The following CNTLN variants were observed in gnomAD, a reference collection of about 807,000 sequenced individuals.
The protein encoded by CNTLN is centlein, also known as centlein, centrosomal protein.
A neutral mutation model predicts 180.0 loss-of-function variants in CNTLN; 212 were observed. That is an observed-to-expected ratio of 1.18 (90% CI 1.05 to 1.32). The LOEUF is 1.32. CNTLN is among the 40% of genes most tolerant of loss of function. The pLI, the probability that CNTLN is intolerant of heterozygous loss-of-function variation, is 0.00. For missense variants in CNTLN, 2,095 were observed against 1,610.9 expected (o/e 1.30, Z -5.14); for synonymous variants, 722 against 563.1 (o/e 1.28, Z -3.99).
chr9:17,367,296 G>A (rs1823910673), intron 13 of CNTLN, among the ~76,000 whole-genome samples: 1 of 152,218 alleles, frequency 6.6e-6, no homozygotes, highest in African/African-American at 2.4e-5. Flanking sequence ...CACAGAAAGA[G>A]CATTTAGACC....
intron 10 of CNTLN, among the ~76,000 whole-genome samples, chr9:17,337,954 A>G (rs1821163622): frequency 6.6e-6 from 1 of 152,178 alleles, no homozygotes; most frequent in Admixed American, 6.5e-5. Flanking sequence ...TAAGAAAGTC[A>G]TTGTAAAATA....
At chr9:17,305,406 C>G (rs1263746440) in intron 7 of CNTLN, among the ~76,000 whole-genome samples, 1 of 152,046 alleles carries the variant, frequency 6.6e-6, no homozygotes, top group African/African-American at 2.4e-5. Context: ...AAGAGCCTCT[C>G]TGAAAACTGT....
intron 23 of CNTLN, among the ~76,000 whole-genome samples, chr9:17,482,842 C>G (rs1231781460): frequency 6.6e-6 from 1 of 151,920 alleles, no homozygotes; most frequent in African/African-American, 2.4e-5. Flanking sequence ...GGTGATGGGA[C>G]AAGTGAGTAT....
intron 15 of CNTLN, among the ~76,000 whole-genome samples, chr9:17,407,165 T>C (rs1218750983): frequency 6.6e-6 from 1 of 152,174 alleles, no homozygotes; most frequent in Non-Finnish European, 1.5e-5. Context: ...AGAACCCAAA[T>C]GATATGAGAA....
At chr9:17,242,029 A>G (rs1825526044) in intron 5 of CNTLN, among the ~76,000 whole-genome samples, 1 of 152,090 alleles carries the variant, frequency 6.6e-6, no homozygotes, top group African/African-American at 2.4e-5. Context: ...TCCAACTTGG[A>G]TGTCCTTTCT....
intron 5 of CNTLN, among the ~76,000 whole-genome samples, chr9:17,268,302 T>C (rs1180223179): frequency 6.6e-6 from 1 of 152,210 alleles, no homozygotes; most frequent in Non-Finnish European, 1.5e-5. Flanking sequence ...AGAGGTCCAC[T>C]CCAGACCCTG....
At chr9:17,256,777 G>A (rs1290689283) in intron 5 of CNTLN, among the ~76,000 whole-genome samples, 2 of 151,766 alleles carry the variant, frequency 1.3e-5, no homozygotes, top group African/African-American at 4.8e-5. Flanking sequence ...GGGATTTGGG[G>A]ATTTCTTTAT....
rs551625148 is a variant in CNTLN, at chr9:17,420,171, TC to T, written c.3114+3985del. ...CTCACATGATCCACCCACACCAGCC[TC>T]CCAAAGTGTAGCCATTGGGTCCTGG... is the stretch of plus-strand genomic sequence containing the variant. On this transcript the variant is annotated intron_variant, in intron 18 of 25. Transcript: ENST00000380647. 1.8e-4 allele frequency among the ~76,000 whole-genome samples: 27 copies of T among 152,298 alleles called. No homozygotes were observed. In the South Asian group the frequency reaches 5.4e-3, roughly 30 times the overall value.
intron 2 of CNTLN, among the ~76,000 whole-genome samples, chr9:17,180,215 T>G (rs1327809764): frequency 6.7e-6 from 1 of 150,068 alleles, no homozygotes; most frequent in Non-Finnish European, 1.5e-5. Flanking sequence ...TTTTTTCTGT[T>G]TGCTATCTCT....
chr9:17,284,527 A>G (rs1362306453), intron 6 of CNTLN, among the ~76,000 whole-genome samples: 1 of 151,740 alleles, frequency 6.6e-6, no homozygotes, highest in Non-Finnish European at 1.5e-5. Flanking sequence ...TTTCTTCTAG[A>G]TTTTCTAGTT....
intron 12 of CNTLN, 131 bp downstream of exon 12, chr9:17,342,575 A>G: frequency 1.4e-6 from 1 of 711,674 alleles, no homozygotes; most frequent in Non-Finnish European, 2.1e-6. Context: ...AAAGTAAAGA[A>G]AAAAAGACTA....
intron 7 of CNTLN, 65 bp from the exon 8 acceptor site, chr9:17,308,993 C>G (rs1563981900): frequency 3.6e-6 from 4 of 1,104,150 alleles, no homozygotes; most frequent in Non-Finnish European, 5.1e-6. Context: ...CACACACACA[C>G]ACAGACACAC....
At chr9:17,149,274 A>G (rs1818673003) in intron 2 of CNTLN, among the ~76,000 whole-genome samples, 2 of 152,162 alleles carry the variant, frequency 1.3e-5, no homozygotes. Flanking sequence ...GCCACAGTGA[A>G]CATATGTGTG....
At chr9:17,159,275 T>C (rs1317696527) in intron 2 of CNTLN, among the ~76,000 whole-genome samples, 2 of 152,206 alleles carry the variant, frequency 1.3e-5, no homozygotes, top group East Asian at 3.9e-4. Flanking sequence ...TAAAGTCAGT[T>C]TCTTTGGAAA....
At chr9:17,359,748 A>AAAAAAAAAAAC in intron 12 of CNTLN, among the ~76,000 whole-genome samples, 2 of 134,754 alleles carry the variant, frequency 1.5e-5, no homozygotes, top group Admixed American at 7.7e-5. Context: ...AAAAAAAAAA[A>AAAAAAAAAAAC]AACTAGCTGG....
chr9:17,318,839 TC>T (rs1563990147), intron 8 of CNTLN, among the ~76,000 whole-genome samples: 1 of 1,406 alleles, frequency 7.1e-4, no homozygotes, highest in Non-Finnish European at 0.021. Flanking sequence ...CATCCTTTAT[TC>T]CATCCATCCA....
intron 6 of CNTLN, among the ~76,000 whole-genome samples, chr9:17,294,767 C>G (rs76062797): frequency 0.12 from 8,719 of 72,084 alleles, 1,043 homozygotes; most frequent in African/African-American, 0.25. Context: ...AGGAGCCCAC[C>G]GCGGGGGGAG....
intron 6 of CNTLN, among the ~76,000 whole-genome samples, chr9:17,296,368 T>G (rs1351753954): frequency 6.6e-6 from 1 of 152,148 alleles, no homozygotes; most frequent in African/African-American, 2.4e-5. Context: ...TACGTTGTCC[T>G]TAAATGCAGA....
Position 17,466,801 on chromosome 9 carries a change from A to T in CNTLN, c.3765A>T (p.Leu1255Phe). Reference sequence around the variant, plus strand: ...CAGCATCTAAGCAGCTTCAAGAATTAGCATTGCAAAGTGAACAGGTCCTAG... The same window carrying T: ...CAGCATCTAAGCAGCTTCAAGAATTTGCATTGCAAAGTGAACAGGTCCTAG... ...ETAASKQLQELALQSEQVLEG... is the reference protein window; with the variant it reads ...ETAASKQLQEFALQSEQVLEG... The change falls in exon 23 of 26, where the codon TTA becomes TTT. Residue 1255 changes from leucine to phenylalanine, a missense_variant. Transcript: ENST00000380647. 4 of 1,611,148 alleles carry T rather than the reference A, an allele frequency of 2.5e-6. No individual in the cohort carries two copies. Among genetic ancestry groups the T allele is most frequent in the Non-Finnish European group, 3.4e-6 (4 of 1,177,978 alleles).
Sources: allele counts gnomAD v4.1 joint callset (sites outside exome capture counted in the v4.1 genomes callset), GRCh38; gene constraint gnomAD v4.1.1; transcripts MANE v1.5; gene names NCBI Gene and HGNC (gene_info 2026-07-23, HGNC 2026-07-21).